The following UBR2 variants were observed in gnomAD, a reference collection of about 807,000 sequenced individuals.
The protein encoded by UBR2 is E3 ubiquitin-protein ligase UBR2.
A neutral mutation model predicts 247.9 loss-of-function variants in UBR2; 92 were observed. That is an observed-to-expected ratio of 0.37 (90% CI 0.31 to 0.44). UBR2 has a LOEUF of 0.44. Among genes scored for constraint, UBR2 ranks in the 20% least tolerant of loss-of-function variants. The pLI, the probability that UBR2 is intolerant of heterozygous loss-of-function variation, is 1.00. For missense variants in UBR2, 1,613 were observed against 2,112.6 expected (o/e 0.76, Z 4.64); for synonymous variants, 672 against 693.5 (o/e 0.97, Z 0.49).
chr6:42,689,281 C>T lies in UBR2; in HGVS notation c.5025-288C>T, dbSNP rs948085415. Among the ~76,000 whole-genome samples the T allele has an allele frequency of 2.6e-5, 4 of 152,138 alleles. No individual in the cohort carries two copies. The highest frequency in any genetic ancestry group is 7.2e-5 in the African/African-American group (3 of 41,412). Reference sequence around the variant, plus strand: ...GGTTGTATCCATAGCTTAGTCATCCCCCCAGTACCTTGATAATTTCTTATA... The same window carrying T: ...GGTTGTATCCATAGCTTAGTCATCCTCCCAGTACCTTGATAATTTCTTATA... On this transcript the variant is annotated intron_variant, in intron 45 of 46. Coordinates refer to ENST00000372901, the MANE Select transcript of UBR2 (RefSeq NM_001363705.2). The surrounding 1 kb of genome is among the most constrained non-coding windows in gnomAD (Gnocchi z 4.0).
At chr6:42,616,115 A>G (rs746750589) in intron 10 of UBR2, 25 bp downstream of exon 10, 1 of 1,538,336 alleles carries the variant, frequency 6.5e-7, no homozygotes, top group Non-Finnish European at 8.9e-7. Flanking sequence ...AATTTTGAAA[A>G]TAGGTTATAT....
chr6:42,586,991 T>C (rs1792329921), intron 2 of UBR2, among the ~76,000 whole-genome samples: 1 of 151,922 alleles, frequency 6.6e-6, no homozygotes, highest in Non-Finnish European at 1.5e-5. Flanking sequence ...GGCTAATTTT[T>C]GTATTTTTAG....
chr6:42,652,111 T>C, intron 24 of UBR2, 40 bp downstream of exon 24: 1 of 1,545,912 alleles, frequency 6.5e-7, no homozygotes, highest in African/African-American at 1.4e-5. Context: ...CCCATCTTTT[T>C]TGCTTGTTAA....
chr6:42,659,899 G>A lies in UBR2; in HGVS notation c.3442+44G>A, dbSNP rs780457151. On this transcript the variant is annotated intron_variant, in intron 30 of 46. Coordinates refer to ENST00000372901, the MANE Select transcript of UBR2 (RefSeq NM_001363705.2). This position sits in a 1 kb window ranked among gnomAD's most constrained non-coding sequence, Gnocchi z 4.3. ...CTCATCTTCCCTTTTAATAACAACT[G>A]CCAGTTAATGTGGTTGGTGATACGT... is the stretch of plus-strand genomic sequence containing the variant. 1 of 1,571,616 alleles carries A rather than the reference G, an allele frequency of 6.4e-7. No individual in the cohort carries two copies. Among genetic ancestry groups the A allele is most frequent in the South Asian group, 1.1e-5 (1 of 89,672 alleles).
At chr6:42,620,253 C>A in intron 11 of UBR2, 1 of 157,328 alleles carries the variant, frequency 6.4e-6, no homozygotes, top group Non-Finnish European at 1.4e-5. Context: ...AATTTGCATT[C>A]TTCTGATGAT....
chr6:42,684,948 G>T (rs1799291765), intron 44 of UBR2, 77 bp downstream of exon 44: 1 of 1,208,876 alleles, frequency 8.3e-7, no homozygotes, highest in Non-Finnish European at 1.2e-6. Context: ...GGATTTTGTT[G>T]TTGTTCTTTG....
rs749065769 is a variant in UBR2, at chr6:42,648,158, T to C, written c.2450T>C (p.Val817Ala). Residue 817 changes from valine (V) to alanine (A), a missense_variant, in exon 22 of 47, where the codon GTT becomes GCT. Transcript: ENST00000372901. ...ETGMESVIEA[V>A]AHFKKPGLTG... ...GGCATGGAGAGTGTAATCGAAGCAG[T>C]TGCCCATTTCAAGTGAGTTTACTTC... The C allele has an allele frequency of 5.6e-6, 9 of 1,613,794 alleles. No individual in the cohort carries two copies. The African/African-American group carries it at 1.1e-4, about 19-fold the overall frequency.
At chr6:42,670,793 C>A in intron 36 of UBR2, 78 bp downstream of exon 36, 1 of 1,108,056 alleles carries the variant, frequency 9.0e-7, no homozygotes, top group Non-Finnish European at 1.3e-6. Flanking sequence ...TCTTATGGAC[C>A]TGCAGTAGTT....
intron 11 of UBR2, among the ~76,000 whole-genome samples, chr6:42,628,343 T>C (rs568096571): frequency 4.6e-5 from 7 of 152,240 alleles, no homozygotes; most frequent in African/African-American, 1.4e-4. Flanking sequence ...TTGCCCTAGA[T>C]ATTAGTGGAA....
chr6:42,650,770 T>C (rs1164604612), intron 23 of UBR2, among the ~76,000 whole-genome samples: 1 of 152,210 alleles, frequency 6.6e-6, no homozygotes, highest in Non-Finnish European at 1.5e-5. Context: ...CATATGTATA[T>C]ACGATCTATA....
Position 42,612,221 on chromosome 6 carries a change from G to A in UBR2, c.915G>A (p.Ser305=), listed in dbSNP as rs1794136033. Residue 305 remains serine, a synonymous_variant, in exon 8 of 47, where the codon TCG becomes TCA. Transcript: ENST00000372901. ...TKPLKVQVMH[S]SIVAHQNFGL... Reference sequence around the variant, plus strand: ...CACTCAAAGTTCAAGTTATGCATTCGTCTATTGTCGCACATCAGAATTTTG... The same window carrying A: ...CACTCAAAGTTCAAGTTATGCATTCATCTATTGTCGCACATCAGAATTTTG... 7 of 1,551,652 alleles carry A rather than the reference G, an allele frequency of 4.5e-6. No homozygotes were observed. The highest frequency in any genetic ancestry group is 1.3e-5 in the African/African-American group (1 of 74,312).
chr6:42,599,512 G>A (rs1044098951), intron 4 of UBR2, among the ~76,000 whole-genome samples: 24 of 152,156 alleles, frequency 1.6e-4, no homozygotes, highest in African/African-American at 5.6e-4. Flanking sequence ...AACCTATGTA[G>A]TATAGACTCC....
At chr6:42,631,973 CAAGATTTGCCTTTAGAAAG>C (rs1795767438) in intron 11 of UBR2, among the ~76,000 whole-genome samples, 1 of 139,892 alleles carries the variant, frequency 7.1e-6, no homozygotes, top group South Asian at 2.2e-4. Flanking sequence ...CTACGATTAA[CAAGATTTGCCTTTAGAAAG>C]AAGACCTCAG....
chr6:42,593,320 G>A (rs1582476032), intron 3 of UBR2, among the ~76,000 whole-genome samples: 5 of 152,244 alleles, frequency 3.3e-5, no homozygotes, highest in Middle Eastern at 6.8e-3. Flanking sequence ...ACAAGCACGT[G>A]TCATTTTCCA....
chr6:42,645,617 A>G, intron 21 of UBR2, 27 bp downstream of exon 21: 1 of 1,606,070 alleles, frequency 6.2e-7, no homozygotes, highest in Non-Finnish European at 8.5e-7. Flanking sequence ...CTAAAAAGAA[A>G]ACCATAGAAA....
intron 5 of UBR2, among the ~76,000 whole-genome samples, chr6:42,604,616 C>T (rs191873646): frequency 3.4e-4 from 51 of 152,208 alleles, no homozygotes; most frequent in Admixed American, 2.0e-3. Context: ...ACTGGACTGC[C>T]GTGTACACTC....
intron 7 of UBR2, 112 bp downstream of exon 7, chr6:42,606,763 A>G (rs1006886107): frequency 1.1e-5 from 9 of 813,848 alleles, no homozygotes; most frequent in South Asian, 3.9e-5. Context: ...ACCAAAAATT[A>G]TGTTTAAAGA....
At position 42,687,415 on chromosome 6, in the gene UBR2, G is replaced by A. The variant is rs188602506; in HGVS notation, c.4854-801G>A. ...AGGAGAATCAGGCAGGGAGGTTGCA[G>A]TGAGCCAAGATGGCGGCAGTACAGT... is the stretch of plus-strand genomic sequence containing the variant. On this transcript the variant is annotated intron_variant, in intron 44 of 46. Transcript: ENST00000372901. 7.9e-4 allele frequency among the ~76,000 whole-genome samples: 121 copies of A among 152,382 alleles called. 2 individuals carry two copies. Among genetic ancestry groups the A allele is most frequent in the Admixed American group, 7.8e-3 (119 of 15,304 alleles).
At chr6:42,667,984 C>T (rs1798221860) in intron 34 of UBR2, among the ~76,000 whole-genome samples, 1 of 152,056 alleles carries the variant, frequency 6.6e-6, no homozygotes, top group Admixed American at 6.5e-5. Context: ...GTCTCAAACT[C>T]CTGACCTCAG....
Sources: allele counts gnomAD v4.1 joint callset (sites outside exome capture counted in the v4.1 genomes callset), GRCh38; gene constraint gnomAD v4.1.1; non-coding constraint Gnocchi (gnomAD v3.1); transcripts MANE v1.5; gene names NCBI Gene and HGNC (gene_info 2026-07-23, HGNC 2026-07-21).